Variants in ANGPTL5 observed in about 807,000 individuals in gnomAD.
The protein encoded by ANGPTL5 is angiopoietin-related protein 5.
In ANGPTL5, 34 loss-of-function variants were observed where a neutral mutation model predicts 39.4. The observed-to-expected ratio is 0.86, with a 90% CI of 0.66 to 1.15. The LOEUF (loss-of-function observed/expected upper bound fraction) is 1.15. Among genes scored for constraint, ANGPTL5 ranks in the 50% most tolerant of loss-of-function variants. ANGPTL5 has a pLI of 0.00. For missense variants in ANGPTL5, 467 were observed against 457.5 expected (o/e 1.02, Z -0.19); for synonymous variants, 146 against 152.1 (o/e 0.96, Z 0.29).
At position 101,891,570 on chromosome 11, in the gene ANGPTL5, T is replaced by C. The variant is rs112893980; in HGVS notation, c.876A>G (p.Glu292=). 2 of 1,613,986 alleles carry C rather than the reference T, an allele frequency of 1.2e-6. No homozygotes were observed. ...AGDAFRGLKK[E]DNQNAMPFST... Reference sequence around the variant, plus strand: ...TAAAAGGCATTGCATTTTGATTATCTTCTTTTTTGAGACCCCGGAATGCAT... The same window carrying C: ...TAAAAGGCATTGCATTTTGATTATCCTCTTTTTTGAGACCCCGGAATGCAT... The change falls in exon 9 of 9, where the codon GAA becomes GAG. Residue 292 remains glutamate, a synonymous_variant. Coordinates refer to ENST00000334289, the MANE Select transcript of ANGPTL5 (RefSeq NM_178127.5).
chr11:101,894,799 T>C (rs1939761909), intron 8 of ANGPTL5, 80 bp downstream of exon 8: 1 of 1,288,404 alleles, frequency 7.8e-7, no homozygotes, highest in South Asian at 1.2e-5. Context: ...CAAAGACAAA[T>C]GCATTATTTT....
At chr11:101,900,188 T>C (rs1274165209) in intron 7 of ANGPTL5, among the ~76,000 whole-genome samples, 1 of 152,146 alleles carries the variant, frequency 6.6e-6, no homozygotes, top group Non-Finnish European at 1.5e-5. Flanking sequence ...TTAATACATA[T>C]CCAATCTAGA....
chr11:101,902,802 G>C, intron 5 of ANGPTL5, 81 bp from the exon 6 acceptor site: 2 of 805,066 alleles, frequency 2.5e-6, no homozygotes. Flanking sequence ...AATTGATAGT[G>C]CTATTATCAT....
At position 101,895,027 on chromosome 11, in the gene ANGPTL5, T is replaced by C; in HGVS notation, c.699A>G (p.Ile233Met). 1 of 1,605,536 alleles carries C rather than the reference T, an allele frequency of 6.2e-7. No individual in the cohort carries two copies. The highest frequency in any genetic ancestry group is 8.5e-7 in the Non-Finnish European group (1 of 1,175,832). ...FWLGLKKIFY[I>M]VNQKNTSFML... ...TAAAACTGGTATTTTTCTGATTTAC[T>C]ATATAAAAAATCTTTTTCAGTCCTA... Residue 233 changes from isoleucine to methionine, a missense_variant, in exon 8 of 9, where the codon ATA becomes ATG. Transcript: ENST00000334289.
chr11:101,898,474 T>C (rs774176340), intron 7 of ANGPTL5, among the ~76,000 whole-genome samples: 33 of 152,220 alleles, frequency 2.2e-4, no homozygotes, highest in Non-Finnish European at 4.4e-4. Context: ...GGAATTCTTA[T>C]GATTTTTACA....
chr11:101,893,239 T>C (rs968611279), intron 8 of ANGPTL5, among the ~76,000 whole-genome samples: 2 of 152,240 alleles, frequency 1.3e-5, no homozygotes, highest in African/African-American at 4.8e-5. Flanking sequence ...ATAACACTTT[T>C]CTTTTCCCTA....
intron 5 of ANGPTL5, among the ~76,000 whole-genome samples, chr11:101,904,230 G>A (rs943445547): frequency 2.0e-5 from 3 of 152,150 alleles, no homozygotes; most frequent in East Asian, 3.8e-4. Context: ...AGGACATAAA[G>A]ATCATGTTCT....
chr11:101,908,780 C>CAAAAAAAAAAAAAAAA (rs59041644), intron 1 of ANGPTL5, among the ~76,000 whole-genome samples: 15 of 64,976 alleles, frequency 2.3e-4, no homozygotes, highest in African/African-American at 6.9e-4. Flanking sequence ...GACTCCATCT[C>CAAAAAAAAAAAAAAAA]AAAAAAAAAA....
At chr11:101,913,872 A>G (rs1279287639) in intron 1 of ANGPTL5, among the ~76,000 whole-genome samples, 3 of 152,198 alleles carry the variant, frequency 2.0e-5, no homozygotes, top group Non-Finnish European at 4.4e-5. Flanking sequence ...TAGGCCAATT[A>G]AAAACTTGCC....
chr11:101,891,623 G>T lies in ANGPTL5; in HGVS notation c.848-25C>A, dbSNP rs745696274. 3 of 1,594,582 alleles carry T rather than the reference G, an allele frequency of 1.9e-6. No individual in the cohort carries two copies. In the East Asian group the frequency reaches 6.8e-5, roughly 36 times the overall value. On this transcript the variant is annotated intron_variant, in intron 8 of 8. Coordinates refer to ENST00000334289, the MANE Select transcript of ANGPTL5 (RefSeq NM_178127.5). ...CCTGGGAAAAAAATTTTTAATGATC[G>T]AATTTAAAGGAAATTTCTATTATTT...
chr11:101,894,781 GT>G (rs1408358646), intron 8 of ANGPTL5, 97 bp downstream of exon 8: 1 of 1,160,868 alleles, frequency 8.6e-7, no homozygotes, highest in Non-Finnish European at 1.3e-6. Flanking sequence ...TCAGTTATGT[GT>G]TATATACAAA....
intron 7 of ANGPTL5, among the ~76,000 whole-genome samples, chr11:101,898,198 G>A (rs1359730167): frequency 6.6e-6 from 1 of 151,786 alleles, no homozygotes; most frequent in African/African-American, 2.4e-5. Flanking sequence ...TCTCCAGCCT[G>A]GGCAACACGA....
chr11:101,893,144 A>G (rs1939732458), intron 8 of ANGPTL5, among the ~76,000 whole-genome samples: 2 of 152,240 alleles, frequency 1.3e-5, no homozygotes, highest in South Asian at 2.1e-4. Context: ...ATTCATTTAA[A>G]AAATATATGC....
chr11:101,914,780 A>G (rs1940160035), intron 1 of ANGPTL5, among the ~76,000 whole-genome samples: 2 of 152,164 alleles, frequency 1.3e-5, no homozygotes, highest in South Asian at 4.1e-4. Flanking sequence ...GTCTTTCGTC[A>G]CTGTCGGTAC....
chr11:101,911,983 C>G (rs1403708597), intron 1 of ANGPTL5, among the ~76,000 whole-genome samples: 2 of 152,342 alleles, frequency 1.3e-5, no homozygotes, highest in South Asian at 2.1e-4. Context: ...TCCTTTGGGG[C>G]CTTTCCTGAG....
In ANGPTL5 at chr11:101,890,752, A is replaced by C. The variant is rs545094544; in HGVS notation, c.*527T>G. 6.6e-6 allele frequency: 1 copy of C among 152,466 alleles called. No homozygotes were observed. The highest frequency in any genetic ancestry group is 1.5e-5 in the Non-Finnish European group (1 of 68,262). The allele number at this position is 152,466 out of a possible 1,614,324, so 9.4% of individuals were successfully genotyped here. ...ATGATTAGATATGAAAACAAGAAAA[A>C]CTATTTGGGCAGCAAACTCTTACTA... On this transcript the variant is annotated 3_prime_UTR_variant, in exon 9 of 9. Transcript: ENST00000334289.
At chr11:101,901,524 A>C (rs1939899644) in intron 6 of ANGPTL5, among the ~76,000 whole-genome samples, 1 of 152,122 alleles carries the variant, frequency 6.6e-6, no homozygotes, top group Non-Finnish European at 1.5e-5. Context: ...CGATATAGGG[A>C]AGAAATCAGA....
At chr11:101,905,346 C>A (rs1472925825) in intron 4 of ANGPTL5, among the ~76,000 whole-genome samples, 2 of 152,190 alleles carry the variant, frequency 1.3e-5, no homozygotes, top group Non-Finnish European at 2.9e-5. Flanking sequence ...TCACCAGCCA[C>A]TCCACCCTGT....
At chr11:101,902,488 T>G (rs1939921798) in intron 6 of ANGPTL5, 133 bp downstream of exon 6, 1 of 771,692 alleles carries the variant, frequency 1.3e-6, no homozygotes, top group Non-Finnish European at 2.1e-6. Context: ...AAAGTAGAAC[T>G]TTACCTAATT....
Sources: gnomAD v4.1 joint callset for allele counts (sites outside exome capture counted in the v4.1 genomes callset) on GRCh38, gnomAD v4.1.1 for gene constraint, MANE v1.5 for transcripts, NCBI Gene and HGNC (gene_info 2026-07-23, HGNC 2026-07-21) for gene names.